The following ZNF536 variants were observed in gnomAD, a reference collection of about 807,000 sequenced individuals.
ZNF536 encodes the protein zinc finger protein 536.
A neutral mutation model predicts 84.5 loss-of-function variants in ZNF536; 13 were observed. That is an observed-to-expected ratio of 0.15 (90% CI 0.10 to 0.24). ZNF536 has a LOEUF of 0.24. Ranked by LOEUF, ZNF536 falls within the 10% of genes least tolerant of loss-of-function variation. The pLI is 1.00. For missense variants in ZNF536, 1,536 were observed against 1,747.5 expected, an observed-to-expected ratio of 0.88 and a Z score of 2.16; for synonymous variants, 811 against 742.5, an observed-to-expected ratio of 1.09 and a Z score of -1.50.
chr19:30,627,423 G>T lies in ZNF536; in HGVS notation c.169+77909G>T, dbSNP rs1346324026. Among the ~76,000 whole-genome samples the T allele has an allele frequency of 3.8e-5, 5 of 132,268 alleles. No individual in the cohort carries two copies. In the East Asian group the frequency reaches 9.8e-4, roughly 26 times the overall value. The allele number at this position is 132,268 out of a possible 152,430, so 86.8% of individuals were successfully genotyped here. A position where few individuals can be genotyped will look rare whatever the true frequency, so the allele number is the denominator to read the frequency against. ...AAGTTTGAGGCTGCAGTGAGCCATG[G>T]TTGTGACACTGCACTCCAGCCTGGG... On this transcript the variant is annotated intron_variant, in intron 1 of 1. Coordinates refer to the ZNF536 transcript ENST00000592773.
At chr19:30,618,222 C>T (rs1245353128) in intron 1 of ZNF536, among the ~76,000 whole-genome samples, 1 of 152,076 alleles carries the variant, frequency 6.6e-6, no homozygotes. Flanking sequence ...GGGTCTTGTT[C>T]AATTGATTGT....
At chr19:30,400,908 G>A (rs1052742294) in intron 1 of ZNF536, among the ~76,000 whole-genome samples, 6 of 151,936 alleles carry the variant, frequency 3.9e-5, no homozygotes, top group African/African-American at 1.5e-4. Flanking sequence ...TTTTACTTCC[G>A]GTATCATATT....
intron 1 of ZNF536, among the ~76,000 whole-genome samples, chr19:30,647,241 C>T (rs948954754): frequency 1.3e-4 from 20 of 152,186 alleles, no homozygotes; most frequent in African/African-American, 4.8e-4. Context: ...TTTCCAATAT[C>T]TTCCCCACTG....
intron 2 of ZNF536, among the ~76,000 whole-genome samples, chr19:30,325,288 T>C (rs1295149447): frequency 6.6e-6 from 1 of 152,208 alleles, no homozygotes; most frequent in African/African-American, 2.4e-5. Context: ...ACCCCCACCC[T>C]TGGGGCCAGT....
At chr19:30,442,487 C>T (rs1016248978) in intron 1 of ZNF536, among the ~76,000 whole-genome samples, 1 of 152,222 alleles carries the variant, frequency 6.6e-6, no homozygotes, top group Non-Finnish European at 1.5e-5. Flanking sequence ...CCTATGGCAT[C>T]ATTCCTGGAT....
chr19:30,689,707 C>G (rs1015497442), intron 1 of ZNF536, among the ~76,000 whole-genome samples: 7 of 152,188 alleles, frequency 4.6e-5, no homozygotes, highest in African/African-American at 1.7e-4. Context: ...CTTCCTGAGA[C>G]AGCGTTCCCG....
chr19:30,557,388 G>A lies in ZNF536; in HGVS notation c.*224G>A. Reference sequence around the variant, plus strand: ...TAAAAATATTACCCCATATGTTCCAGTATTAGTCATGGATTGCAAAGGCTT... The same window carrying A: ...TAAAAATATTACCCCATATGTTCCAATATTAGTCATGGATTGCAAAGGCTT... On this transcript the variant is annotated 3_prime_UTR_variant, in exon 5 of 5. Transcript: ENST00000355537. The A allele has an allele frequency of 4.6e-6, 2 of 432,052 alleles. No homozygotes were observed. The highest frequency in any genetic ancestry group is 2.0e-5 in the African/African-American group (1 of 49,310). 26.8% of individuals were successfully genotyped at this position (432,052 alleles called of 1,614,324 possible). A position where few individuals can be genotyped will look rare whatever the true frequency, so the allele number is the denominator to read the frequency against.
chr19:30,516,598 A>G (rs2044083525), intron 2 of ZNF536, among the ~76,000 whole-genome samples: 1 of 152,202 alleles, frequency 6.6e-6, no homozygotes, highest in Admixed American at 6.5e-5. Flanking sequence ...ACATGTGTTC[A>G]TTGAGTGACT....
intron 1 of ZNF536, among the ~76,000 whole-genome samples, chr19:30,240,069 G>A (rs2023826673): frequency 6.6e-6 from 1 of 152,148 alleles, no homozygotes; most frequent in Admixed American, 6.5e-5. Context: ...CATTGGTTGT[G>A]TTGTAAGAAT....
intron 1 of ZNF536, among the ~76,000 whole-genome samples, chr19:30,626,976 G>A (rs774972625): frequency 5.3e-5 from 8 of 152,166 alleles, no homozygotes; most frequent in Non-Finnish European, 1.0e-4. Context: ...GAAATGTGGA[G>A]GAGAGACAGA....
At chr19:30,622,882 C>A (rs2048533083) in intron 1 of ZNF536, among the ~76,000 whole-genome samples, 1 of 152,074 alleles carries the variant, frequency 6.6e-6, no homozygotes, top group African/African-American at 2.4e-5. Flanking sequence ...CCTCCTGTAT[C>A]CTCCAAGGCA....
chr19:30,319,102 A>G (rs2046773525), intron 2 of ZNF536, among the ~76,000 whole-genome samples: 1 of 152,300 alleles, frequency 6.6e-6, no homozygotes, highest in African/African-American at 2.4e-5. Context: ...GTAGACAAAT[A>G]CACTGCAGGC....
chr19:30,459,689 C>T (rs113769813), intron 2 of ZNF536, among the ~76,000 whole-genome samples: 113 of 152,166 alleles, frequency 7.4e-4, no homozygotes, highest in Middle Eastern at 3.4e-3. Context: ...CTCACGGGGT[C>T]GGCCTCACTG....
At chr19:30,574,759 GATCT>G (rs1303779629) in intron 1 of ZNF536, among the ~76,000 whole-genome samples, 1 of 152,204 alleles carries the variant, frequency 6.6e-6, no homozygotes, top group Non-Finnish European at 1.5e-5. Flanking sequence ...CAAGTGTATA[GATCT>G]ATCTGTTTGT....
intron 1 of ZNF536, among the ~76,000 whole-genome samples, chr19:30,690,278 TC>T (rs2051355153): frequency 6.6e-6 from 1 of 152,068 alleles, no homozygotes; most frequent in African/African-American, 2.4e-5. Context: ...AAAACAAAGG[TC>T]CAGTGAAGAA....
At chr19:30,662,151 C>T (rs183124347) in intron 1 of ZNF536, among the ~76,000 whole-genome samples, 46 of 152,284 alleles carry the variant, frequency 3.0e-4, no homozygotes, top group African/African-American at 9.1e-4. Flanking sequence ...TCCCGGCTCC[C>T]GGATGGAGAC....
intron 1 of ZNF536, among the ~76,000 whole-genome samples, chr19:30,271,274 A>G (rs1385278260): frequency 1.4e-5 from 2 of 143,144 alleles, no homozygotes; most frequent in East Asian, 4.3e-4. Context: ...TGCTTCTGGA[A>G]GCTTTCCCTG....
At chr19:30,481,266 A>T (rs1404235348) in intron 2 of ZNF536, among the ~76,000 whole-genome samples, 1 of 152,218 alleles carries the variant, frequency 6.6e-6, no homozygotes, top group Non-Finnish European at 1.5e-5. Flanking sequence ...ATGTACTTGT[A>T]TGTACATACA....
At chr19:30,456,310 T>C (rs963670048) in intron 2 of ZNF536, among the ~76,000 whole-genome samples, 6 of 33,032 alleles carry the variant, frequency 1.8e-4, no homozygotes, top group Admixed American at 1.0e-3. Context: ...TTTCTTTTCT[T>C]TTTTTTTTTT....
Sources: gnomAD v4.1 joint callset for allele counts (sites outside exome capture counted in the v4.1 genomes callset) on GRCh38, gnomAD v4.1.1 for gene constraint, MANE v1.5 for transcripts, NCBI Gene and HGNC (gene_info 2026-07-23, HGNC 2026-07-21) for gene names.